The following SGCD variants were observed in gnomAD, a reference collection of about 807,000 sequenced individuals.
The protein encoded by SGCD is delta-sarcoglycan.
A neutral mutation model predicts 36.6 loss-of-function variants in SGCD; 18 were observed. That is an observed-to-expected ratio of 0.49 (90% CI 0.34 to 0.73). The LOEUF is 0.73. Ranked by LOEUF, SGCD falls within the 30% of genes least tolerant of loss-of-function variation. The pLI is 0.01. For synonymous variants in SGCD, 133 were observed against 130.6 expected, an observed-to-expected ratio of 1.02 and a Z score of -0.12; for missense variants, 387 against 346.7, an observed-to-expected ratio of 1.12 and a Z score of -0.92.
chr5:156,328,611 T>C (rs186243771), intron 1 of SGCD, among the ~76,000 whole-genome samples: 325 of 152,196 alleles, frequency 2.1e-3, no homozygotes, highest in Non-Finnish European at 3.6e-3. Context: ...TCTGTCCTGT[T>C]GGTAGAAGGT....
At chr5:156,729,451 C>G (rs1342674421) in intron 7 of SGCD, among the ~76,000 whole-genome samples, 1 of 152,172 alleles carries the variant, frequency 6.6e-6, no homozygotes, top group Admixed American at 6.5e-5. Context: ...TGTGAGCTCT[C>G]ATGCTTTAGC....
At chr5:156,085,480 T>C (rs1432017414) in intron 1 of SGCD, among the ~76,000 whole-genome samples, 1 of 152,112 alleles carries the variant, frequency 6.6e-6, no homozygotes, top group African/African-American at 2.4e-5. Context: ...CTGCTGTGAG[T>C]AAAAGCTCCC....
chr5:156,405,999 A>C lies in SGCD; in HGVS notation c.192+61322A>C, dbSNP rs151296701. Among the ~76,000 whole-genome samples the C allele has an allele frequency of 3.1e-3, 380 of 120,836 alleles. 3 individuals carry two copies. The highest frequency in any genetic ancestry group is 0.012 in the African/African-American group (364 of 29,766). 79.3% of individuals were successfully genotyped at this position (120,836 alleles called of 152,430 possible). ...CCTGTGTGTAGATATCACCTGCTGT[A>C]TTTGGCCCTATCTTTGCTTAAAAAA... On this transcript the variant is annotated intron_variant, in intron 3 of 8. Coordinates refer to ENST00000337851, the MANE Select transcript of SGCD (RefSeq NM_000337.6).
chr5:156,592,306 A>G (rs950053409), intron 5 of SGCD, among the ~76,000 whole-genome samples: 10 of 152,022 alleles, frequency 6.6e-5, no homozygotes, highest in African/African-American at 2.4e-4. Flanking sequence ...ATTCGTTAGT[A>G]CTTCATTACC....
At chr5:155,968,305 G>A (rs935628134) in intron 1 of SGCD, among the ~76,000 whole-genome samples, 2 of 152,018 alleles carry the variant, frequency 1.3e-5, no homozygotes, top group Admixed American at 1.3e-4. Flanking sequence ...ATGGCACGTG[G>A]GTGCTTTTGG....
intron 3 of SGCD, among the ~76,000 whole-genome samples, chr5:156,465,645 T>G (rs985128639): frequency 2.0e-5 from 3 of 152,206 alleles, no homozygotes; most frequent in African/African-American, 7.2e-5. Context: ...TCCAAGACTG[T>G]TGCCGCTCTT....
At chr5:156,175,975 G>A (rs901882704) in intron 3 of SGCD, among the ~76,000 whole-genome samples, 1 of 151,376 alleles carries the variant, frequency 6.6e-6, no homozygotes, top group Non-Finnish European at 1.5e-5. Flanking sequence ...TGGAGTAAGT[G>A]AAAGAAGTTA....
At chr5:156,451,621 G>A (rs932417980) in intron 3 of SGCD, among the ~76,000 whole-genome samples, 3 of 152,136 alleles carry the variant, frequency 2.0e-5, no homozygotes, top group Admixed American at 1.3e-4. Context: ...ACCAAGCCTG[G>A]AGAAGTTTTG....
At chr5:155,827,643 C>T in the SGCD span, among the ~76,000 whole-genome samples, 5 of 150,444 alleles carry the variant, frequency 3.3e-5, no homozygotes, top group East Asian at 3.9e-4. Flanking sequence ...ATCTTTCAGC[C>T]GGGCACATAG....
intron 3 of SGCD, among the ~76,000 whole-genome samples, chr5:156,364,793 T>C (rs1290709316): frequency 1.3e-5 from 2 of 152,170 alleles, no homozygotes; most frequent in Non-Finnish European, 2.9e-5. Context: ...AAAGCAAAAG[T>C]ACACACTGGC....
chr5:156,697,681 G>A (rs1754371833), intron 7 of SGCD, among the ~76,000 whole-genome samples: 1 of 152,082 alleles, frequency 6.6e-6, no homozygotes, highest in South Asian at 2.1e-4. Flanking sequence ...CTTTGTGAAA[G>A]CAGGAATCAC....
At chr5:156,425,040 A>G (rs1035430733) in intron 3 of SGCD, among the ~76,000 whole-genome samples, 2 of 152,006 alleles carry the variant, frequency 1.3e-5, no homozygotes, top group African/African-American at 4.8e-5. Flanking sequence ...TGCCATTTTT[A>G]TCCTTTCTGA....
At chr5:156,754,827 G>A (rs1028722549) in intron 7 of SGCD, among the ~76,000 whole-genome samples, 2 of 152,202 alleles carry the variant, frequency 1.3e-5, no homozygotes, top group Non-Finnish European at 2.9e-5. Context: ...CATAGCTGAT[G>A]TTTAAGGCAA....
chr5:156,277,550 G>T (rs192408415), intron 3 of SGCD, among the ~76,000 whole-genome samples: 123 of 152,206 alleles, frequency 8.1e-4, no homozygotes, highest in African/African-American at 2.9e-3. Context: ...AGTAAAAGAG[G>T]GACAGAAGAG....
chr5:156,404,415 C>G (rs1428008233), intron 3 of SGCD, among the ~76,000 whole-genome samples: 1 of 152,236 alleles, frequency 6.6e-6, no homozygotes, highest in East Asian at 1.9e-4. Context: ...TCACCTCCTG[C>G]TGCAAATGTC....
intron 3 of SGCD, among the ~76,000 whole-genome samples, chr5:156,222,139 G>A (rs1249998831): frequency 6.6e-6 from 1 of 151,968 alleles, no homozygotes; most frequent in Admixed American, 6.6e-5. Flanking sequence ...CAAAATAGAA[G>A]AGGCCGCTTC....
At chr5:156,648,287 T>C (rs1336780152) in intron 7 of SGCD, among the ~76,000 whole-genome samples, 2 of 151,952 alleles carry the variant, frequency 1.3e-5, no homozygotes, top group African/African-American at 4.8e-5. Flanking sequence ...TTTCTGGTAG[T>C]TCTTTTACCT....
intron 3 of SGCD, among the ~76,000 whole-genome samples, chr5:156,276,430 G>C (rs1396276774): frequency 6.6e-6 from 1 of 152,142 alleles, no homozygotes; most frequent in African/African-American, 2.4e-5. Flanking sequence ...AAGGATACTT[G>C]GTAGTAGTTT....
At chr5:156,374,149 CA>C (rs34872468) in intron 3 of SGCD, among the ~76,000 whole-genome samples, 69,912 of 140,542 alleles carry the variant, frequency 0.5, 17,085 homozygotes, top group East Asian at 0.82. Context: ...GTTCAAAATA[CA>C]AAAAAAAAAA....
Sources: gnomAD v4.1 joint callset for allele counts (sites outside exome capture counted in the v4.1 genomes callset) on GRCh38, gnomAD v4.1.1 for gene constraint, MANE v1.5 for transcripts, NCBI Gene and HGNC (gene_info 2026-07-23, HGNC 2026-07-21) for gene names.